The following KANK4 variants were observed in gnomAD, a reference collection of about 807,000 sequenced individuals.
KANK4 encodes KN motif and ankyrin repeat domain-containing protein 4.
A neutral mutation model predicts 80.8 loss-of-function variants in KANK4; 50 were observed. The ratio of observed to expected loss-of-function variants is 0.62; its 90% CI spans 0.49 to 0.78. The LOEUF is 0.78. Ranked by LOEUF, KANK4 falls within the 30% of genes least tolerant of loss-of-function variation. The pLI is 0.00. For synonymous variants in KANK4, 465 were observed against 506.9 expected (o/e 0.92, Z 1.11); for missense variants, 1,196 against 1,240.1 (o/e 0.96, Z 0.53).
chr1:62,248,735 G>T (rs1030049546), intron 8 of KANK4, among the ~76,000 whole-genome samples: 9 of 151,398 alleles, frequency 5.9e-5, no homozygotes, highest in Non-Finnish European at 1.2e-4. Context: ...ATTAGAGACA[G>T]GCTTTCCCCA....
chr1:62,307,606 A>G (rs1239424733), intron 1 of KANK4, among the ~76,000 whole-genome samples: 1 of 152,124 alleles, frequency 6.6e-6, no homozygotes, highest in East Asian at 1.9e-4. Context: ...CATTCTGAGA[A>G]CATTGTAATA....
chr1:62,312,797 C>A (rs1009802019), intron 1 of KANK4, among the ~76,000 whole-genome samples: 1 of 152,202 alleles, frequency 6.6e-6, no homozygotes, highest in South Asian at 2.1e-4. Flanking sequence ...TTCGTGCAAT[C>A]GTAGGGCAAG....
Position 62,275,879 on chromosome 1 carries a change from AGGGAGGAAGGAAGGAAGG to A in KANK4, c.17-810_17-793del, listed in dbSNP as rs1443087538. ...GAGGGAGGAAGGAAGGGAGGAAGGA[AGGGAGGAAGGAAGGAAGG>A]GGAAGGGGAAGGGGAAGGGAAGGGA... is the stretch of plus-strand genomic sequence containing the variant. On this transcript the variant is annotated intron_variant, in intron 2 of 9. Transcript: ENST00000371153. Among the ~76,000 whole-genome samples, 106 of 133,588 alleles carry A rather than the reference AGGGAGGAAGGAAGGAAGG, an allele frequency of 7.9e-4. 1 individual carries two copies. The highest frequency in any genetic ancestry group is 2.1e-3 in the East Asian group (8 of 3,746). 87.6% of individuals were successfully genotyped at this position (133,588 alleles called of 152,430 possible).
chr1:62,317,050 G>A (rs1644547788), intron 1 of KANK4, among the ~76,000 whole-genome samples: 1 of 152,176 alleles, frequency 6.6e-6, no homozygotes, highest in African/African-American at 2.4e-5. Context: ...ATGTGCAAAG[G>A]CAACGCGTGG....
At chr1:62,318,380 C>A (rs1278471982) in intron 1 of KANK4, among the ~76,000 whole-genome samples, 2 of 152,254 alleles carry the variant, frequency 1.3e-5, no homozygotes, top group African/African-American at 4.8e-5. Flanking sequence ...ACTCCCATTT[C>A]TGGCCAGTCT....
At chr1:62,259,980 G>C (rs1220394860) in intron 7 of KANK4, among the ~76,000 whole-genome samples, 1 of 152,116 alleles carries the variant, frequency 6.6e-6, no homozygotes, top group Non-Finnish European at 1.5e-5. Flanking sequence ...GCCTCATCAT[G>C]CACCTGTCTT....
At chr1:62,293,410 T>C (rs1044251952) in intron 1 of KANK4, among the ~76,000 whole-genome samples, 1 of 152,094 alleles carries the variant, frequency 6.6e-6, no homozygotes, top group African/African-American at 2.4e-5. Flanking sequence ...TCTTGAAATC[T>C]ATAATTCTCA....
intron 1 of KANK4, among the ~76,000 whole-genome samples, chr1:62,303,204 G>C (rs1644426348): frequency 6.6e-6 from 1 of 151,354 alleles, no homozygotes; most frequent in South Asian, 2.1e-4. Context: ...AGTAGCAGAT[G>C]AAGTCAAAGG....
intron 7 of KANK4, among the ~76,000 whole-genome samples, chr1:62,257,280 G>C (rs1324730146): frequency 6.6e-6 from 1 of 152,158 alleles, no homozygotes; most frequent in Admixed American, 6.5e-5. Flanking sequence ...TAGAGATGGG[G>C]TTTCGCCATG....
chr1:62,251,016 C>T (rs1026403267), intron 8 of KANK4, among the ~76,000 whole-genome samples: 6 of 152,234 alleles, frequency 3.9e-5, no homozygotes, highest in African/African-American at 1.4e-4. Context: ...GAGTAAAGCA[C>T]ACCACAATCT....
intron 1 of KANK4, among the ~76,000 whole-genome samples, chr1:62,295,754 T>C (rs1644358437): frequency 6.6e-6 from 1 of 152,208 alleles, no homozygotes; most frequent in Admixed American, 6.5e-5. Context: ...TTGGAGGACA[T>C]GGAATTGATG....
intron 1 of KANK4, among the ~76,000 whole-genome samples, chr1:62,317,308 G>C (rs1644549777): frequency 6.6e-6 from 1 of 152,196 alleles, no homozygotes; most frequent in Non-Finnish European, 1.5e-5. Flanking sequence ...TTGGTTCACT[G>C]TGAGCTGAAT....
intron 4 of KANK4, among the ~76,000 whole-genome samples, chr1:62,269,478 A>C (rs1375033995): frequency 6.6e-6 from 1 of 152,174 alleles, no homozygotes; most frequent in African/African-American, 2.4e-5. Flanking sequence ...TGTCTCACTT[A>C]AACCCCAGAC....
Position 62,275,563 on chromosome 1 carries a change from G to C in KANK4, c.17-476C>G, listed in dbSNP as rs369936595. Among the ~76,000 whole-genome samples the C allele has an allele frequency of 2.0e-5, 3 of 152,188 alleles. 1 individual carries two copies. In the East Asian group the frequency reaches 5.8e-4, roughly 29 times the overall value. On this transcript the variant is annotated intron_variant, in intron 2 of 9. Transcript: ENST00000371153. ...AAATCTGCAAAAACAACCCTAACTT[G>C]CATGACTCAAATTGGTAGAAGTAAA...
chr1:62,307,964 C>T (rs1644466548), intron 1 of KANK4, among the ~76,000 whole-genome samples: 1 of 152,146 alleles, frequency 6.6e-6, no homozygotes, highest in Non-Finnish European at 1.5e-5. Context: ...ATTCCTCTGC[C>T]CTTCATAAAT....
chr1:62,313,834 T>C (rs549232410), intron 1 of KANK4, among the ~76,000 whole-genome samples: 1 of 152,258 alleles, frequency 6.6e-6, no homozygotes, highest in Non-Finnish European at 1.5e-5. Context: ...ACCTGCACGT[T>C]CTGCACATGT....
intron 4 of KANK4, among the ~76,000 whole-genome samples, chr1:62,268,887 C>T (rs548527075): frequency 1.1e-4 from 16 of 152,284 alleles, no homozygotes; most frequent in Admixed American, 8.5e-4. Context: ...ACGTTAGGTC[C>T]GGAGAGGGGC....
chr1:62,260,462 T>C (rs6685907), intron 7 of KANK4, among the ~76,000 whole-genome samples: 17,160 of 152,056 alleles, frequency 0.11, 1,143 homozygotes, highest in Admixed American at 0.17. Context: ...TTTCTTGGAT[T>C]CTTCTTCTCA....
intron 1 of KANK4, among the ~76,000 whole-genome samples, chr1:62,293,982 G>A (rs1266233363): frequency 6.6e-6 from 1 of 152,214 alleles, no homozygotes; most frequent in Admixed American, 6.5e-5. Flanking sequence ...AGGCCTGCTA[G>A]AGCAGGTTCT....
Sources: allele counts gnomAD v4.1 joint callset (sites outside exome capture counted in the v4.1 genomes callset), GRCh38; gene constraint gnomAD v4.1.1; transcripts MANE v1.5; gene names NCBI Gene and HGNC (gene_info 2026-07-23, HGNC 2026-07-21).